Variants in TASP1 observed in about 807,000 individuals in gnomAD.
TASP1 encodes the protein taspase 1.
Under a neutral mutation model 56.6 loss-of-function variants are expected in TASP1, and 16 were observed. That is an observed-to-expected ratio of 0.28 (90% CI 0.19 to 0.43). TASP1 has a LOEUF of 0.43. Among genes scored for constraint, TASP1 ranks in the 20% least tolerant of loss-of-function variants. TASP1 has a pLI of 1.00. For missense variants in TASP1, 393 were observed against 511.6 expected (o/e 0.77, Z 2.24); for synonymous variants, 179 against 184.2 (o/e 0.97, Z 0.23).
At chr20:13,125,223 T>C in the TASP1 span, among the ~76,000 whole-genome samples, 1 of 152,146 alleles carries the variant, frequency 6.6e-6, no homozygotes, top group South Asian at 2.1e-4. Flanking sequence ...CAAGCTTACT[T>C]GGGACCTTAT....
intron 4 of TASP1, among the ~76,000 whole-genome samples, chr20:13,609,159 A>G (rs560594492): frequency 6.6e-6 from 1 of 152,298 alleles, no homozygotes; most frequent in African/African-American, 2.4e-5. Flanking sequence ...TTTCTACCAA[A>G]AAGATACACA....
At chr20:13,462,445 C>T (rs1445895934) in intron 11 of TASP1, among the ~76,000 whole-genome samples, 1 of 152,132 alleles carries the variant, frequency 6.6e-6, no homozygotes, top group Non-Finnish European at 1.5e-5. Flanking sequence ...AAGGCATGCA[C>T]ATTGATTTTG....
At chr20:13,518,220 T>G (rs992944772) in intron 10 of TASP1, among the ~76,000 whole-genome samples, 7 of 152,070 alleles carry the variant, frequency 4.6e-5, no homozygotes, top group Non-Finnish European at 7.4e-5. Flanking sequence ...AAGAAACTTC[T>G]GAGAAGCCAG....
intron 8 of TASP1, among the ~76,000 whole-genome samples, chr20:13,556,057 G>C (rs1300670440): frequency 1.3e-5 from 2 of 152,138 alleles, no homozygotes; most frequent in African/African-American, 2.4e-5. Context: ...CATTAAGTTG[G>C]AGATGGGTTA....
chr20:13,584,441 C>T (rs561483705), intron 5 of TASP1, among the ~76,000 whole-genome samples: 1 of 152,120 alleles, frequency 6.6e-6, no homozygotes, highest in South Asian at 2.1e-4. Context: ...ACAGGTAGTA[C>T]ACAGAGAAAT....
At chr20:13,359,640 C>G in the TASP1 span, among the ~76,000 whole-genome samples, 2 of 151,312 alleles carry the variant, frequency 1.3e-5, no homozygotes, top group Non-Finnish European at 2.9e-5. Flanking sequence ...CCTCTTAAAA[C>G]TCCCCAACTC....
chr20:13,256,976 T>C, the TASP1 span, among the ~76,000 whole-genome samples: 1 of 151,754 alleles, frequency 6.6e-6, no homozygotes, highest in African/African-American at 2.4e-5. Flanking sequence ...GAAAAAACAG[T>C]GAAGAGAAAA....
Position 13,504,321 on chromosome 20 carries a change from AAAAC to A in TASP1, c.875-20988_875-20985del, listed in dbSNP as rs1428138040. Among the ~76,000 whole-genome samples the A allele has an allele frequency of 5.3e-5, 8 of 152,260 alleles. No individual in the cohort carries two copies. The South Asian group carries it at 8.3e-4, about 16-fold the overall frequency. On this transcript the variant is annotated intron_variant, in intron 10 of 13. Coordinates refer to ENST00000337743, the MANE Select transcript of TASP1 (RefSeq NM_017714.3). ...ATTTGAAGTGCCAGAATTAAAAACA[AAAAC>A]AAACAAACAAAATCCTGCCAACCGA...
the TASP1 span, among the ~76,000 whole-genome samples, chr20:13,326,003 A>G: frequency 0.33 from 49,338 of 151,724 alleles, 9,704 homozygotes; most frequent in African/African-American, 0.54. Flanking sequence ...ACTCCGGGTA[A>G]CCACTGATCT....
the TASP1 span, among the ~76,000 whole-genome samples, chr20:13,278,979 C>A: frequency 6.6e-6 from 1 of 152,188 alleles, no homozygotes; most frequent in Non-Finnish European, 1.5e-5. Context: ...AGCTGTAAGG[C>A]CTCTGTTAAT....
At chr20:13,271,223 C>A in the TASP1 span, among the ~76,000 whole-genome samples, 1 of 152,120 alleles carries the variant, frequency 6.6e-6, no homozygotes, top group South Asian at 2.1e-4. Flanking sequence ...GCCTTGGACA[C>A]CAGAAATTCC....
the TASP1 span, among the ~76,000 whole-genome samples, chr20:13,335,526 A>G: frequency 6.6e-6 from 1 of 152,176 alleles, no homozygotes; most frequent in African/African-American, 2.4e-5. Context: ...CTTGAATATA[A>G]ACATACCACC....
the TASP1 span, among the ~76,000 whole-genome samples, chr20:13,337,929 C>T: frequency 6.6e-6 from 1 of 152,292 alleles, no homozygotes; most frequent in African/African-American, 2.4e-5. Flanking sequence ...GCTTCTACTG[C>T]ATTTAAGAAA....
the TASP1 span, among the ~76,000 whole-genome samples, chr20:13,376,067 C>T: frequency 3.3e-5 from 5 of 152,116 alleles, no homozygotes; most frequent in African/African-American, 9.7e-5. Flanking sequence ...TGCGCAAAAG[C>T]TCTTTAGTTT....
At chr20:13,136,371 T>C in the TASP1 span, among the ~76,000 whole-genome samples, 2 of 151,978 alleles carry the variant, frequency 1.3e-5, no homozygotes, top group East Asian at 3.9e-4. Context: ...CCAAGGCAGG[T>C]GGATCACCCG....
intron 11 of TASP1, among the ~76,000 whole-genome samples, chr20:13,459,172 A>AT (rs1033480323): frequency 1.3e-5 from 2 of 151,922 alleles, no homozygotes; most frequent in African/African-American, 2.4e-5. Flanking sequence ...TGACTTCTCA[A>AT]TTTTTTTACC....
chr20:13,483,124 A>G (rs1252242534), intron 11 of TASP1, 103 bp downstream of exon 11: 1 of 773,136 alleles, frequency 1.3e-6, no homozygotes. Context: ...GCTAGACCCT[A>G]GAGGTAGGTC....
chr20:13,290,925 G>A, the TASP1 span, among the ~76,000 whole-genome samples: 68 of 152,250 alleles, frequency 4.5e-4, no homozygotes, highest in East Asian at 8.9e-3. Flanking sequence ...ATTTGAATCC[G>A]GACAGTCTGA....
the TASP1 span, among the ~76,000 whole-genome samples, chr20:13,279,074 C>T: frequency 6.6e-6 from 1 of 152,160 alleles, no homozygotes; most frequent in Non-Finnish European, 1.5e-5. Context: ...GAGAAATGGG[C>T]TCCACCTCTC....
Sources: allele counts gnomAD v4.1 joint callset (sites outside exome capture counted in the v4.1 genomes callset), GRCh38; gene constraint gnomAD v4.1.1; transcripts MANE v1.5; gene names NCBI Gene and HGNC (gene_info 2026-07-23, HGNC 2026-07-21).